The following PEX7 variants were observed in gnomAD, a reference collection of about 807,000 sequenced individuals.
PEX7 encodes the protein peroxisomal biogenesis factor 7, also known as PTS2 receptor.
Under a neutral mutation model 47.5 loss-of-function variants are expected in PEX7, and 34 were observed. That is an observed-to-expected ratio of 0.72 (90% CI 0.54 to 0.95). PEX7 has a LOEUF of 0.95. Among genes scored for constraint, PEX7 ranks in the 40% least tolerant of loss-of-function variants. The pLI, the probability that PEX7 is intolerant of heterozygous loss-of-function variation, is 0.00. For missense variants in PEX7, 394 were observed against 400.3 expected (o/e 0.98, Z 0.13); for synonymous variants, 141 against 148.8 (o/e 0.95, Z 0.38).
At chr6:136,873,549 C>G (rs934091100) in intron 8 of PEX7, among the ~76,000 whole-genome samples, 1 of 152,070 alleles carries the variant, frequency 6.6e-6, no homozygotes, top group Non-Finnish European at 1.5e-5. Context: ...TAAGGTTTTC[C>G]AGATGTATGA....
At chr6:136,860,454 G>A (rs1735934978) in intron 5 of PEX7, among the ~76,000 whole-genome samples, 1 of 140,614 alleles carries the variant, frequency 7.1e-6, no homozygotes, top group Non-Finnish European at 1.5e-5. Context: ...AAGTGGTGGT[G>A]TGAATTGAAC....
intron 8 of PEX7, among the ~76,000 whole-genome samples, chr6:136,882,331 C>T (rs1011669817): frequency 6.6e-6 from 1 of 151,990 alleles, no homozygotes; most frequent in East Asian, 1.9e-4. Context: ...GCACACATCA[C>T]CACACCCAGC....
chr6:136,853,968 T>A (rs1465273021), intron 5 of PEX7, among the ~76,000 whole-genome samples: 1 of 152,162 alleles, frequency 6.6e-6, no homozygotes, highest in Non-Finnish European at 1.5e-5. Flanking sequence ...AAATCTTTTC[T>A]AATATATGAA....
rs1225187761 is a variant in PEX7 at position 136,822,614 on chromosome 6, C to T, written c.-52C>T. 13 of 1,500,204 alleles carry T rather than the reference C, an allele frequency of 8.7e-6. No homozygotes were observed. In the South Asian group the frequency reaches 1.4e-4, roughly 17 times the overall value. The allele number at this position is 1,500,204 out of a possible 1,614,324, so 92.9% of individuals were successfully genotyped here. On this transcript the variant is annotated 5_prime_UTR_variant, in exon 1 of 10. Transcript: ENST00000318471. ...TCTAACCGCGCCAGTGTGCCTCCGA[C>T]TCGGAACGGCTTCCGCGGCCGGGGC...
At chr6:136,860,669 A>T (rs79187584) in intron 5 of PEX7, among the ~76,000 whole-genome samples, 16 of 79,058 alleles carry the variant, frequency 2.0e-4, no homozygotes, top group Admixed American at 1.4e-3. Flanking sequence ...AAGTATAATT[A>T]AAAAAAAAAA....
At chr6:136,826,250 AT>A (rs1039372399) in intron 2 of PEX7, 68 bp from the exon 3 acceptor site, 138 of 1,512,440 alleles carry the variant, frequency 9.1e-5, no homozygotes, top group Middle Eastern at 1.7e-4. Context: ...CATAATTGTT[AT>A]TTTTTTTGTT....
rs1003031615 is a variant in PEX7, at chr6:136,822,742, C to T, written c.77C>T (p.Pro26Leu). The T allele has an allele frequency of 3.9e-5, 59 of 1,496,728 alleles. No homozygotes were observed. Among genetic ancestry groups the T allele is most frequent in the Non-Finnish European group, 4.8e-5 (54 of 1,130,490 alleles). The allele number at this position is 1,496,728 out of a possible 1,614,324, so 92.7% of individuals were successfully genotyped here. A position where few individuals can be genotyped will look rare whatever the true frequency, so the allele number is the denominator to read the frequency against. The change falls in exon 1 of 10, where the codon CCG (proline) becomes CTG (leucine). Residue 26 changes from proline (P) to leucine (L), a missense_variant. Transcript: ENST00000318471. ...GRHGYAAEFS[P>L]YLPGRLACAT... The stretch of plus-strand genomic sequence containing the variant: ...CACGGCTACGCCGCCGAGTTCTCCC[C>T]GTACCTGCCGGGCCGCCTGGCCTGC...
At chr6:136,902,666 T>C (rs1775773211) in intron 9 of PEX7, among the ~76,000 whole-genome samples, 1 of 152,178 alleles carries the variant, frequency 6.6e-6, no homozygotes, top group African/African-American at 2.4e-5. Context: ...AGATACTCTT[T>C]TTCTTTTTGT....
chr6:136,855,347 CT>C (rs34297697), intron 5 of PEX7, among the ~76,000 whole-genome samples: 205 of 140,442 alleles, frequency 1.5e-3, no homozygotes, highest in East Asian at 3.9e-3. Flanking sequence ...TTTCTTCTTC[CT>C]TTTTTTTTTT....
intron 8 of PEX7, among the ~76,000 whole-genome samples, chr6:136,877,854 G>A (rs940397472): frequency 3.9e-5 from 6 of 152,158 alleles, no homozygotes; most frequent in Non-Finnish European, 8.8e-5. Context: ...GTCAATGGTA[G>A]CTTGATGGGG....
At position 136,913,429 on chromosome 6, in the gene PEX7, TTTC is replaced by T. The variant is rs1442217280; in HGVS notation, c.904-23_904-21del. On this transcript the variant is annotated intron_variant, in intron 9 of 9. Coordinates refer to ENST00000318471, the MANE Select transcript of PEX7 (RefSeq NM_000288.4). ...TTGAATTTTTGTATGTCTAAATACG[TTTC>T]TTCTTACTTCATTTTTGTTTTCTAG... 24 of 1,534,762 alleles carry T rather than the reference TTTC, an allele frequency of 1.6e-5. No individual in the cohort carries two copies. The East Asian group carries it at 5.4e-4, about 35-fold the overall frequency.
chr6:136,907,979 A>G (rs1293818568), intron 9 of PEX7, among the ~76,000 whole-genome samples: 1 of 152,100 alleles, frequency 6.6e-6, no homozygotes, highest in Non-Finnish European at 1.5e-5. Flanking sequence ...TAGTGAATGC[A>G]TGTTTCTTTA....
At chr6:136,828,729 T>G (rs1282967878) in intron 3 of PEX7, among the ~76,000 whole-genome samples, 1 of 152,218 alleles carries the variant, frequency 6.6e-6, no homozygotes, top group Non-Finnish European at 1.5e-5. Flanking sequence ...GGGCTAAGCT[T>G]TATAAGATTT....
chr6:136,887,894 T>C (rs1283855671), intron 8 of PEX7, among the ~76,000 whole-genome samples: 1 of 152,184 alleles, frequency 6.6e-6, no homozygotes, highest in Non-Finnish European at 1.5e-5. Flanking sequence ...AATTGGATTG[T>C]AGTAAACTTA....
intron 5 of PEX7, among the ~76,000 whole-genome samples, chr6:136,859,224 T>C (rs1180130956): frequency 6.6e-6 from 1 of 152,162 alleles, no homozygotes; most frequent in African/African-American, 2.4e-5. Flanking sequence ...GGGGAAGTTT[T>C]TAGAGAACTA....
At chr6:136,843,607 C>T (rs1220162007) in intron 3 of PEX7, among the ~76,000 whole-genome samples, 1 of 152,080 alleles carries the variant, frequency 6.6e-6, no homozygotes, top group Non-Finnish European at 1.5e-5. Context: ...AAGAAACTTA[C>T]CATTTACTAT....
In PEX7 at chr6:136,881,264, G is replaced by A. The variant is rs937288277; in HGVS notation, c.803+9011G>A. On this transcript the variant is annotated intron_variant, in intron 8 of 9. Transcript: ENST00000318471. Reference sequence around the variant, plus strand: ...CATGCAATAGTCACAGAAGCTGTGGGAGGAGGGGCTTTCAACAAGGTGTGA... The same window carrying A: ...CATGCAATAGTCACAGAAGCTGTGGAAGGAGGGGCTTTCAACAAGGTGTGA... Among the ~76,000 whole-genome samples the A allele has an allele frequency of 2.0e-5, 3 of 152,208 alleles. No homozygotes were observed. In the East Asian group the frequency reaches 5.8e-4, roughly 29 times the overall value.
chr6:136,827,778 T>A (rs1339737237), intron 3 of PEX7, among the ~76,000 whole-genome samples: 1 of 152,058 alleles, frequency 6.6e-6, no homozygotes, highest in Admixed American at 6.6e-5. Context: ...ATGATCCACC[T>A]GCCTTGGCCT....
intron 9 of PEX7, among the ~76,000 whole-genome samples, chr6:136,909,079 A>G (rs73553221): frequency 0.047 from 7,172 of 152,228 alleles, 556 homozygotes; most frequent in African/African-American, 0.16. Context: ...CTCCATTACA[A>G]TCAAGATCTG....
Sources: allele counts gnomAD v4.1 joint callset (sites outside exome capture counted in the v4.1 genomes callset), GRCh38; gene constraint gnomAD v4.1.1; transcripts MANE v1.5; gene names NCBI Gene and HGNC (gene_info 2026-07-23, HGNC 2026-07-21).